The following BCL2L11 variants were observed in gnomAD, a reference collection of about 807,000 sequenced individuals.
BCL2L11 encodes bcl-2-like protein 11.
Under a neutral mutation model 20.6 loss-of-function variants are expected in BCL2L11, and 15 were observed. That is an observed-to-expected ratio of 0.73 (90% confidence interval 0.49 to 1.12). The LOEUF (loss-of-function observed/expected upper bound fraction) is 1.12. Ranked by LOEUF, BCL2L11 falls within the 50% of genes most tolerant of loss-of-function variation. BCL2L11 has a pLI of 0.00. For missense variants in BCL2L11, 292 were observed against 260.9 expected (o/e 1.12, Z -0.82); for synonymous variants, 108 against 92.8 (o/e 1.16, Z -0.94).
At chr2:111,125,671 C>G (rs1358790840) in intron 2 of BCL2L11, among the ~76,000 whole-genome samples, 1 of 151,470 alleles carries the variant, frequency 6.6e-6, no homozygotes, top group Non-Finnish European at 1.5e-5. Flanking sequence ...GTGGTGGTCA[C>G]TTGTCAGAGG....
chr2:111,142,172 C>T, intron 2 of BCL2L11: 5 of 723,432 alleles, frequency 6.9e-6, no homozygotes, highest in Non-Finnish European at 1.2e-5. Context: ...AGTCTTTCAG[C>T]ACAGAATTCT....
intron 2 of BCL2L11, among the ~76,000 whole-genome samples, chr2:111,126,271 G>T (rs138635788): frequency 2.0e-5 from 3 of 152,220 alleles, no homozygotes; most frequent in African/African-American, 7.2e-5. Flanking sequence ...GTTAAGCACT[G>T]TTACTTGAGA....
intron 2 of BCL2L11, chr2:111,128,530 A>G (rs2073169167): frequency 2.8e-6 from 4 of 1,410,866 alleles, no homozygotes; most frequent in Middle Eastern, 2.6e-4. Context: ...GCTGTTCTCC[A>G]TAGAGGCTGT....
chr2:111,142,643 T>G (rs1559054270), intron 2 of BCL2L11, among the ~76,000 whole-genome samples: 1 of 152,340 alleles, frequency 6.6e-6, no homozygotes, highest in South Asian at 2.1e-4. Context: ...TGCTCTTATT[T>G]TTTACCTGTG....
At chr2:111,128,591 T>C (rs944783797) in intron 2 of BCL2L11, 2 of 1,496,632 alleles carry the variant, frequency 1.3e-6, no homozygotes, top group Admixed American at 4.7e-5. Context: ...TTTCTCCACA[T>C]ACTTACCAAC....
chr2:111,149,337 T>C (rs946650070), intron 2 of BCL2L11, among the ~76,000 whole-genome samples: 1 of 152,194 alleles, frequency 6.6e-6, no homozygotes, highest in African/African-American at 2.4e-5. Flanking sequence ...CCTCCCTCTT[T>C]CTTCTCCTTT....
At chr2:111,157,596 C>T (rs1036384721) in intron 3 of BCL2L11, among the ~76,000 whole-genome samples, 4 of 152,112 alleles carry the variant, frequency 2.6e-5, no homozygotes, top group Admixed American at 2.0e-4. Flanking sequence ...CCCAGTTTAG[C>T]CAGCACCAGG....
intron 3 of BCL2L11, among the ~76,000 whole-genome samples, chr2:111,153,503 T>C (rs1041393131): frequency 9.2e-5 from 14 of 152,198 alleles, no homozygotes; most frequent in Non-Finnish European, 2.1e-4. Context: ...TCACACTTAA[T>C]GGTCCATTGT....
In BCL2L11 at chr2:111,166,920, G is replaced by A. The variant is rs2079048947; in HGVS notation, c.*2689G>A. On this transcript the variant is annotated 3_prime_UTR_variant, in exon 4 of 4. Transcript: ENST00000393256. ...ATATTACTTATCAACTGAGCCAAATGTCTGTGTGCAATTGTGTTTCCTTTA... is the reference window on the plus strand; with the variant it reads ...ATATTACTTATCAACTGAGCCAAATATCTGTGTGCAATTGTGTTTCCTTTA... 6.6e-6 allele frequency: 1 copy of A among 152,598 alleles called. No individual in the cohort carries two copies. The highest frequency in any genetic ancestry group is 2.4e-5 in the African/African-American group (1 of 41,428). 9.5% of individuals were successfully genotyped at this position (152,598 alleles called of 1,614,324 possible). A position where few individuals can be genotyped will look rare whatever the true frequency, so the allele number is the denominator to read the frequency against.
At chr2:111,124,275 G>A in intron 2 of BCL2L11, 136 bp downstream of exon 2, 3 of 1,041,620 alleles carry the variant, frequency 2.9e-6, no homozygotes, top group Middle Eastern at 3.3e-4. Flanking sequence ...TGGAGGATGT[G>A]TCAAACTATC....
chr2:111,138,787 A>G (rs1012007991), intron 2 of BCL2L11, among the ~76,000 whole-genome samples: 2 of 152,144 alleles, frequency 1.3e-5, no homozygotes, highest in African/African-American at 2.4e-5. Flanking sequence ...CCTGCCCTCC[A>G]TGGAACCTGG....
chr2:111,123,085 C>T, intron 1 of BCL2L11: 5 of 968,496 alleles, frequency 5.2e-6, no homozygotes, highest in Non-Finnish European at 6.1e-6. Flanking sequence ...GTGCACCTCA[C>T]GGTGTGCACC....
rs182430759 is a variant in BCL2L11, at chr2:111,128,685, C to T, written c.394+4546C>T. 137 of 1,548,162 alleles carry T rather than the reference C, an allele frequency of 8.8e-5. 1 individual carries two copies. The East Asian group carries it at 3.3e-3, about 37-fold the overall frequency. On this transcript the variant is annotated intron_variant, in intron 2 of 3. Transcript: ENST00000393256. ...TGTGCTTTGGATTTATATTTACTGG[C>T]TTAGATTTGTATGGCCACCACCATA... is the stretch of plus-strand genomic sequence containing the variant.
intron 2 of BCL2L11, among the ~76,000 whole-genome samples, chr2:111,134,057 T>G (rs1158407210): frequency 6.6e-6 from 1 of 152,090 alleles, no homozygotes; most frequent in African/African-American, 2.4e-5. Context: ...CATCTGCATA[T>G]GTTGTATTTG....
At chr2:111,147,286 A>C (rs2076643217) in intron 2 of BCL2L11, among the ~76,000 whole-genome samples, 1 of 150,332 alleles carries the variant, frequency 6.7e-6, no homozygotes, top group Admixed American at 6.6e-5. Context: ...AACCGTCTGC[A>C]CCAGAGTTGC....
chr2:111,133,691 A>T (rs1430475194), intron 2 of BCL2L11, among the ~76,000 whole-genome samples: 1 of 152,128 alleles, frequency 6.6e-6, no homozygotes, highest in Non-Finnish European at 1.5e-5. Context: ...AAACATCTGT[A>T]TTCTGCTGCT....
intron 2 of BCL2L11, among the ~76,000 whole-genome samples, chr2:111,134,710 A>G (rs545797477): frequency 6.6e-6 from 1 of 152,292 alleles, no homozygotes; most frequent in African/African-American, 2.4e-5. Flanking sequence ...GTCTGTTAGT[A>G]ACAACTCCTC....
intron 2 of BCL2L11, among the ~76,000 whole-genome samples, chr2:111,141,881 A>T (rs540767877): frequency 6.6e-6 from 1 of 152,142 alleles, no homozygotes; most frequent in South Asian, 2.1e-4. Context: ...GTATTTTTTT[A>T]GTAGAGACAG....
rs1558996598 is a variant in BCL2L11, at chr2:111,120,988, C to CCGCT, written c.-214_-213insCGCT. On this transcript the variant is annotated 5_prime_UTR_variant, in exon 1 of 4. Coordinates refer to ENST00000393256, the MANE Select transcript of BCL2L11 (RefSeq NM_138621.5). ...CCAGCGCCGCTGCCGCTGCCGCCGC[C>CCGCT]GCCGCCGCCGCCGCCGCCGCCGCCG... is the stretch of plus-strand genomic sequence containing the variant. 18 of 329,284 alleles carry CCGCT rather than the reference C, an allele frequency of 5.5e-5. No homozygotes were observed. Among genetic ancestry groups the CCGCT allele is most frequent in the Admixed American group, 3.7e-4 (7 of 18,688 alleles). 20.4% of individuals were successfully genotyped at this position (329,284 alleles called of 1,614,324 possible).
Sources: allele counts gnomAD v4.1 joint callset (sites outside exome capture counted in the v4.1 genomes callset), GRCh38; gene constraint gnomAD v4.1.1; transcripts MANE v1.5; gene names NCBI Gene and HGNC (gene_info 2026-07-23, HGNC 2026-07-21).